The following CABCOCO1 variants were observed in gnomAD, a reference collection of about 807,000 sequenced individuals.
CABCOCO1 encodes the protein ciliary associated calcium binding coiled-coil 1.
CABCOCO1 carries 28 observed loss-of-function variants against 35.7 expected under a neutral mutation model. That is an observed-to-expected ratio of 0.78 (90% CI 0.58 to 1.07). The LOEUF is 1.07. CABCOCO1 is among the 50% of genes least tolerant of loss of function. The probability of loss-of-function intolerance (pLI) is 0.00; values close to 1 mark genes in which losing one functional copy is unlikely to be tolerated. For missense variants in CABCOCO1, 326 were observed against 309.2 expected, an observed-to-expected ratio of 1.05 and a Z score of -0.41; for synonymous variants, 95 against 100.1, an observed-to-expected ratio of 0.95 and a Z score of 0.30.
chr10:61,732,332 A>G (rs1246750245), intron 5 of CABCOCO1, among the ~76,000 whole-genome samples: 1 of 152,084 alleles, frequency 6.6e-6, no homozygotes, highest in Admixed American at 6.6e-5. Context: ...TTAAGCAAGT[A>G]CTTTTCATTT....
intron 5 of CABCOCO1, among the ~76,000 whole-genome samples, chr10:61,715,457 T>C (rs1840839955): frequency 6.6e-6 from 1 of 152,210 alleles, no homozygotes; most frequent in South Asian, 2.1e-4. Flanking sequence ...GGGTCTTGAC[T>C]CTTTATCCAA....
In CABCOCO1 at chr10:61,753,608, G is replaced by A. The variant is rs534581789; in HGVS notation, c.553-6451G>A. 6.2e-4 allele frequency among the ~76,000 whole-genome samples: 94 copies of A among 152,210 alleles called. 2 individuals are homozygous for A. The South Asian group carries it at 0.019, about 32-fold the overall frequency. ...ATGAATGTAATCAGGGCAACCACAG[G>A]CCATATTTGAAACTGGAAAACAAAA... On this transcript the variant is annotated intron_variant, in intron 5 of 7. Coordinates refer to ENST00000648843, the MANE Select transcript of CABCOCO1 (RefSeq NM_001366906.2).
chr10:61,679,766 A>G (rs1271314963), intron 2 of CABCOCO1, among the ~76,000 whole-genome samples: 3 of 152,206 alleles, frequency 2.0e-5, no homozygotes, highest in Non-Finnish European at 4.4e-5. Context: ...CAAACACATC[A>G]GAAAGATATA....
chr10:61,701,655 T>C (rs1316386410), intron 5 of CABCOCO1: 2 of 985,122 alleles, frequency 2.0e-6, no homozygotes, highest in Admixed American at 1.2e-4. Context: ...TAATCCACAC[T>C]TCTGGCTTAA....
At chr10:61,720,946 A>G (rs1215648473) in intron 5 of CABCOCO1, among the ~76,000 whole-genome samples, 6 of 23,512 alleles carry the variant, frequency 2.6e-4, no homozygotes, top group Admixed American at 7.8e-4. Context: ...TTTTTTTGCG[A>G]CAGAGTCTCA....
At chr10:61,738,534 A>G (rs1426319105) in intron 5 of CABCOCO1, among the ~76,000 whole-genome samples, 1 of 152,252 alleles carries the variant, frequency 6.6e-6, no homozygotes, top group Non-Finnish European at 1.5e-5. Flanking sequence ...TTATATTGCT[A>G]GTAAACAAAA....
chr10:61,713,478 T>C (rs1589136244), intron 5 of CABCOCO1, among the ~76,000 whole-genome samples: 1 of 152,306 alleles, frequency 6.6e-6, no homozygotes, highest in East Asian at 1.9e-4. Flanking sequence ...TGACTTCCTC[T>C]TTTCCTAATT....
chr10:61,682,113 A>T (rs1211860121), intron 3 of CABCOCO1, among the ~76,000 whole-genome samples: 1 of 152,152 alleles, frequency 6.6e-6, no homozygotes, highest in East Asian at 1.9e-4. Flanking sequence ...ATTTTCATGG[A>T]CCTCACATCC....
intron 1 of CABCOCO1, among the ~76,000 whole-genome samples, chr10:61,670,595 G>A (rs1027009546): frequency 9.2e-5 from 14 of 152,130 alleles, no homozygotes; most frequent in Non-Finnish European, 1.9e-4. Flanking sequence ...AAAGAATTTG[G>A]TATGTTATCT....
rs1936684908 is a variant in CABCOCO1, at chr10:61,668,713, AC to A, written c.61-3918del. Among the ~76,000 whole-genome samples the A allele has an allele frequency of 2.0e-5, 3 of 151,760 alleles. No homozygotes were observed. In the South Asian group the frequency reaches 6.2e-4, roughly 32 times the overall value. On this transcript the variant is annotated intron_variant, in intron 1 of 7. Coordinates refer to ENST00000648843, the MANE Select transcript of CABCOCO1 (RefSeq NM_001366906.2). ...TCTTGCTTTTACTTATTTTTCTTTCACTTTTTTTATTGTTTTTTAAAATACT... is the reference window on the plus strand; with the variant it reads ...TCTTGCTTTTACTTATTTTTCTTTCATTTTTTTATTGTTTTTTAAAATACT...
intron 5 of CABCOCO1, among the ~76,000 whole-genome samples, chr10:61,720,886 C>G (rs1364589915): frequency 6.8e-6 from 1 of 147,346 alleles, no homozygotes; most frequent in African/African-American, 2.5e-5. Flanking sequence ...GCTGGTCACC[C>G]ACCTCTGCTT....
chr10:61,722,207 G>A lies in CABCOCO1; in HGVS notation c.552+31586G>A, dbSNP rs145390900. On this transcript the variant is annotated intron_variant, in intron 5 of 7. Transcript: ENST00000648843. The stretch of plus-strand genomic sequence containing the variant: ...ACAGAGAAAACATTATTTTTAAGCA[G>A]CCATCACAAATTTTTAAATGTAATA... Among the ~76,000 whole-genome samples, 8 of 151,984 alleles carry A rather than the reference G, an allele frequency of 5.3e-5. No individual in the cohort carries two copies. The East Asian group carries it at 1.4e-3, about 26-fold the overall frequency.
intron 5 of CABCOCO1, among the ~76,000 whole-genome samples, chr10:61,747,107 C>G (rs1313565470): frequency 1.3e-5 from 2 of 152,020 alleles, no homozygotes; most frequent in Non-Finnish European, 2.9e-5. Context: ...ATAGAAAAAT[C>G]GATCTGACAA....
intron 2 of CABCOCO1, 47 bp from the exon 3 acceptor site, chr10:61,681,095 TC>T: frequency 7.7e-6 from 9 of 1,174,722 alleles, no homozygotes; most frequent in Non-Finnish European, 9.0e-6. Flanking sequence ...AAGAAATGGT[TC>T]AATATCTAAT....
At chr10:61,755,004 T>A (rs938637646) in intron 5 of CABCOCO1, among the ~76,000 whole-genome samples, 1 of 152,172 alleles carries the variant, frequency 6.6e-6, no homozygotes. Context: ...CATTTGCAAA[T>A]TTATTTCCAA....
intron 1 of CABCOCO1, among the ~76,000 whole-genome samples, chr10:61,665,954 C>A (rs61850462): frequency 0.49 from 74,968 of 151,716 alleles, 21,029 homozygotes; most frequent in Middle Eastern, 0.67. Flanking sequence ...TATACTTCAA[C>A]TTACATCAGA....
At chr10:61,721,374 T>C (rs2132041797) in intron 5 of CABCOCO1, among the ~76,000 whole-genome samples, 1 of 152,184 alleles carries the variant, frequency 6.6e-6, no homozygotes. Context: ...CATCACGTAA[T>C]CCCCAGCTAG....
At chr10:61,678,679 T>C (rs1839601556) in intron 2 of CABCOCO1, among the ~76,000 whole-genome samples, 1 of 152,154 alleles carries the variant, frequency 6.6e-6, no homozygotes, top group South Asian at 2.1e-4. Flanking sequence ...ACAAGATAAC[T>C]GGCGGTAGCA....
intron 5 of CABCOCO1, among the ~76,000 whole-genome samples, chr10:61,697,723 A>G (rs147589540): frequency 7.0e-4 from 106 of 152,242 alleles, no homozygotes; most frequent in African/African-American, 1.9e-3. Flanking sequence ...ATTCCCAAGA[A>G]GTATAATGCT....
Sources: allele counts gnomAD v4.1 joint callset (sites outside exome capture counted in the v4.1 genomes callset), GRCh38; gene constraint gnomAD v4.1.1; transcripts MANE v1.5; gene names NCBI Gene and HGNC (gene_info 2026-07-23, HGNC 2026-07-21).